Variants in HMG20A observed in about 807,000 individuals in gnomAD.
The protein encoded by HMG20A is high mobility group 20A.
A neutral mutation model predicts 43.9 loss-of-function variants in HMG20A; 17 were observed. The ratio of observed to expected loss-of-function variants is 0.39; its 90% CI spans 0.27 to 0.58. HMG20A has a LOEUF of 0.58. Ranked by LOEUF, HMG20A falls within the 20% of genes least tolerant of loss-of-function variation. The pLI is 0.59. For synonymous variants in HMG20A, 132 were observed against 147.5 expected (o/e 0.89, Z 0.76); for missense variants, 341 against 438.2 (o/e 0.78, Z 1.98).
rs188408564 is a variant in HMG20A at position 77,450,628 on chromosome 15, C to T, written c.-4-7776C>T. Among the ~76,000 whole-genome samples the T allele has an allele frequency of 2.1e-3, 314 of 152,232 alleles. 1 individual carries two copies. Among genetic ancestry groups the T allele is most frequent in the Middle Eastern group, 0.014 (4 of 292 alleles). ...AAGTACTTAACAGTAAAAAATGTGA[C>T]ATACCATTAATACAATGAAAAAATA... On this transcript the variant is annotated intron_variant, in intron 1 of 9. Transcript: ENST00000336216.
chr15:77,513,198 C>T, the HMG20A span, among the ~76,000 whole-genome samples: 6 of 152,246 alleles, frequency 3.9e-5, no homozygotes, highest in Admixed American at 1.3e-4. Flanking sequence ...AAAGATTAGA[C>T]GGGAGTAAGA....
At chr15:77,510,333 CT>C in the HMG20A span, among the ~76,000 whole-genome samples, 6 of 152,204 alleles carry the variant, frequency 3.9e-5, no homozygotes, top group Non-Finnish European at 8.8e-5. Flanking sequence ...TGAACCAGGG[CT>C]TCTTTAGGAC....
At chr15:77,501,833 G>C in the HMG20A span, among the ~76,000 whole-genome samples, 3,424 of 152,310 alleles carry the variant, frequency 0.022, 58 homozygotes, top group Non-Finnish European at 0.036. Flanking sequence ...AGGTGCCTTA[G>C]AAGAGGGGGC....
At chr15:77,507,647 T>G in the HMG20A span, among the ~76,000 whole-genome samples, 1 of 152,152 alleles carries the variant, frequency 6.6e-6, no homozygotes, top group Non-Finnish European at 1.5e-5. Flanking sequence ...GGGGACACTT[T>G]AGAGGTGCCC....
the HMG20A span, among the ~76,000 whole-genome samples, chr15:77,495,556 TAAAG>T: frequency 4.0e-5 from 6 of 151,386 alleles, no homozygotes; most frequent in Middle Eastern, 3.2e-3. Context: ...CTCAAAAAAA[TAAAG>T]AACAACAACA....
At chr15:77,512,646 C>T in the HMG20A span, among the ~76,000 whole-genome samples, 1 of 152,040 alleles carries the variant, frequency 6.6e-6, no homozygotes, top group Non-Finnish European at 1.5e-5. Flanking sequence ...ATTAGGAAAT[C>T]ACATTTTGCA....
the HMG20A span, among the ~76,000 whole-genome samples, chr15:77,491,948 G>A: frequency 6.6e-6 from 1 of 152,194 alleles, no homozygotes; most frequent in African/African-American, 2.4e-5. Context: ...TGTTTTGCAG[G>A]CAGAGGGAAG....
chr15:77,430,292 A>C (rs1249764973), intron 1 of HMG20A, among the ~76,000 whole-genome samples: 1 of 152,234 alleles, frequency 6.6e-6, no homozygotes, highest in East Asian at 1.9e-4. Context: ...TAACTTGCCG[A>C]ATCACTTAAC....
intron 3 of HMG20A, among the ~76,000 whole-genome samples, chr15:77,465,991 G>A (rs141734319): frequency 5.9e-5 from 9 of 152,286 alleles, no homozygotes; most frequent in African/African-American, 2.2e-4. Flanking sequence ...AACATCAGTG[G>A]TACCTCAGTC....
At chr15:77,480,487 C>T (rs1325614042) in intron 9 of HMG20A, among the ~76,000 whole-genome samples, 1 of 151,384 alleles carries the variant, frequency 6.6e-6, no homozygotes, top group Admixed American at 6.6e-5. Flanking sequence ...ATGGCGCACA[C>T]CTATAGTCCT....
chr15:77,457,557 T>C (rs913623245), intron 1 of HMG20A, among the ~76,000 whole-genome samples: 7 of 152,216 alleles, frequency 4.6e-5, no homozygotes, highest in African/African-American at 1.7e-4. Context: ...AAGGCAAAAA[T>C]CGTTTTTCAT....
chr15:77,486,524 G>A (rs1468372414), downstream of HMG20A, among the ~76,000 whole-genome samples: 1 of 152,138 alleles, frequency 6.6e-6, no homozygotes, highest in Non-Finnish European at 1.5e-5. Context: ...CTCCCAAAGT[G>A]CTGGGATTAC....
intron 7 of HMG20A, 28 bp from the exon 8 acceptor site, chr15:77,478,267 A>G (rs750929478): frequency 6.2e-7 from 1 of 1,608,996 alleles, no homozygotes; most frequent in African/African-American, 1.3e-5. Context: ...CTAGTGCTGC[A>G]TGTGTTCTGT....
At chr15:77,506,169 A>G in the HMG20A span, among the ~76,000 whole-genome samples, 3 of 152,092 alleles carry the variant, frequency 2.0e-5, no homozygotes, top group South Asian at 6.2e-4. Flanking sequence ...TAATATAAGT[A>G]AGTATGTCCC....
chr15:77,472,263 T>TTTTTG (rs944599992), intron 6 of HMG20A, among the ~76,000 whole-genome samples: 1 of 152,062 alleles, frequency 6.6e-6, no homozygotes, highest in Non-Finnish European at 1.5e-5. Context: ...TCAGGTTTGT[T>TTTTTG]TTTTGTTTTG....
chr15:77,422,594 C>G (rs1244548308), intron 1 of HMG20A, among the ~76,000 whole-genome samples: 1 of 152,016 alleles, frequency 6.6e-6, no homozygotes, highest in East Asian at 1.9e-4. Flanking sequence ...CCAGCCTGGG[C>G]GACAGTGAGA....
chr15:77,474,773 T>C (rs2072840371), intron 6 of HMG20A, among the ~76,000 whole-genome samples: 1 of 152,198 alleles, frequency 6.6e-6, no homozygotes, highest in Non-Finnish European at 1.5e-5. Flanking sequence ...TGGTACACAA[T>C]GTTAAGAGCA....
the HMG20A span, among the ~76,000 whole-genome samples, chr15:77,502,361 T>G: frequency 6.6e-6 from 1 of 152,208 alleles, no homozygotes; most frequent in African/African-American, 2.4e-5. Flanking sequence ...CCTTGCAAAC[T>G]TCTAGTTTGG....
chr15:77,423,268 A>C (rs1393320180), intron 1 of HMG20A, among the ~76,000 whole-genome samples: 1 of 152,160 alleles, frequency 6.6e-6, no homozygotes, highest in East Asian at 1.9e-4. Context: ...GGTTCCATCA[A>C]AGAAGAAATA....
Sources: allele counts gnomAD v4.1 joint callset (sites outside exome capture counted in the v4.1 genomes callset), GRCh38; gene constraint gnomAD v4.1.1; transcripts MANE v1.5; gene names NCBI Gene and HGNC (gene_info 2026-07-23, HGNC 2026-07-21).